Variants in PBX3 observed in about 807,000 individuals in gnomAD.
PBX3 encodes the protein pre-B-cell leukemia transcription factor 3.
In PBX3, 14 loss-of-function variants were observed where a neutral mutation model predicts 48.5. The ratio of observed to expected loss-of-function variants is 0.29; its 90% CI spans 0.19 to 0.45. The LOEUF is 0.45. PBX3 is among the 20% of genes least tolerant of loss of function. PBX3 has a pLI of 1.00. For synonymous variants in PBX3, 210 were observed against 200.3 expected (o/e 1.05, Z -0.41); for missense variants, 386 against 546.7 (o/e 0.71, Z 2.93).
intron 5 of PBX3, among the ~76,000 whole-genome samples, chr9:125,958,303 C>T (rs1842352656): frequency 6.6e-6 from 1 of 152,188 alleles, no homozygotes; most frequent in African/African-American, 2.4e-5. Context: ...TGGCTCAGGC[C>T]CTCATGGCTT....
intron 3 of PBX3, among the ~76,000 whole-genome samples, chr9:125,923,389 G>A (rs187254267): frequency 2.0e-4 from 30 of 152,280 alleles, no homozygotes; most frequent in Non-Finnish European, 4.0e-4. Flanking sequence ...ACAGTGTTAC[G>A]TGGCATTAGA....
intron 5 of PBX3, among the ~76,000 whole-genome samples, chr9:125,950,746 T>C (rs1050653367): frequency 6.6e-6 from 1 of 152,162 alleles, no homozygotes; most frequent in Non-Finnish European, 1.5e-5. Context: ...CTTCCCAAAG[T>C]GTTGGGATTA....
At chr9:125,899,183 T>C (rs1840846190) in intron 2 of PBX3, among the ~76,000 whole-genome samples, 1 of 146,170 alleles carries the variant, frequency 6.8e-6, no homozygotes, top group Non-Finnish European at 1.5e-5. Flanking sequence ...TACTTCACAT[T>C]CTTTAGATGA....
chr9:125,832,517 G>A (rs913937240), intron 2 of PBX3, among the ~76,000 whole-genome samples: 14 of 152,108 alleles, frequency 9.2e-5, no homozygotes, highest in Admixed American at 6.5e-4. Context: ...GATAACAATT[G>A]ACTACTGACT....
intron 2 of PBX3, among the ~76,000 whole-genome samples, chr9:125,889,927 A>C (rs1840599603): frequency 6.6e-6 from 1 of 150,396 alleles, no homozygotes. Flanking sequence ...GAGCGCCCTG[A>C]GCGGTCCCCC....
At chr9:125,924,019 C>T (rs1841514528) in intron 3 of PBX3, among the ~76,000 whole-genome samples, 2 of 151,302 alleles carry the variant, frequency 1.3e-5, no homozygotes, top group Non-Finnish European at 2.9e-5. Flanking sequence ...TGTGTGCTAC[C>T]ATGCCCGGCT....
chr9:125,926,815 C>A (rs181590689), intron 3 of PBX3, among the ~76,000 whole-genome samples: 1 of 151,892 alleles, frequency 6.6e-6, no homozygotes, highest in East Asian at 1.9e-4. Flanking sequence ...AGCTAAACTC[C>A]GTCTCAAAAA....
At chr9:125,815,591 A>C (rs998521595) in intron 2 of PBX3, among the ~76,000 whole-genome samples, 6 of 151,922 alleles carry the variant, frequency 3.9e-5, no homozygotes, top group African/African-American at 1.5e-4. Context: ...GGAAATTAGT[A>C]CTCCCTTCTT....
At chr9:125,926,099 G>A (rs1841568522) in intron 3 of PBX3, among the ~76,000 whole-genome samples, 1 of 152,238 alleles carries the variant, frequency 6.6e-6, no homozygotes, top group Non-Finnish European at 1.5e-5. Context: ...GAAGGGTAGA[G>A]TTGGTCACAT....
intron 2 of PBX3, among the ~76,000 whole-genome samples, chr9:125,845,946 G>A (rs1839416590): frequency 6.6e-6 from 1 of 151,964 alleles, no homozygotes; most frequent in Non-Finnish European, 1.5e-5. Context: ...TTGTATTGTT[G>A]CATTTATGCA....
chr9:125,780,304 G>T (rs1303487395), intron 2 of PBX3, among the ~76,000 whole-genome samples: 10 of 137,106 alleles, frequency 7.3e-5, no homozygotes, highest in Non-Finnish European at 6.4e-5. Context: ...TCACTTCCCA[G>T]TAGGGGCGGC....
At chr9:125,949,277 C>A in intron 5 of PBX3, 4 of 1,415,362 alleles carry the variant, frequency 2.8e-6, no homozygotes, top group Non-Finnish European at 3.8e-6. Flanking sequence ...TTAATGAAAT[C>A]ATGTATGAAG....
At chr9:125,815,473 T>G (rs1406461048) in intron 2 of PBX3, among the ~76,000 whole-genome samples, 2 of 152,224 alleles carry the variant, frequency 1.3e-5, no homozygotes, top group Non-Finnish European at 2.9e-5. Flanking sequence ...TGTTGTTGTA[T>G]TATTTTTTGT....
intron 2 of PBX3, among the ~76,000 whole-genome samples, chr9:125,861,891 G>A (rs1328819470): frequency 6.6e-6 from 1 of 152,196 alleles, no homozygotes; most frequent in African/African-American, 2.4e-5. Flanking sequence ...GAAAATGATT[G>A]TGATTGTTGC....
chr9:125,794,918 T>C (rs899823424), intron 2 of PBX3, among the ~76,000 whole-genome samples: 2 of 152,204 alleles, frequency 1.3e-5, no homozygotes, highest in Non-Finnish European at 2.9e-5. Flanking sequence ...ATGTTTGCAC[T>C]GAATGAGCCA....
intron 2 of PBX3, among the ~76,000 whole-genome samples, chr9:125,884,201 C>T (rs1032145069): frequency 6.6e-6 from 1 of 152,166 alleles, no homozygotes; most frequent in Admixed American, 6.5e-5. Context: ...GCAGCTTTGG[C>T]ATTTCTATTG....
At chr9:125,954,056 T>G (rs1280834761) in intron 5 of PBX3, among the ~76,000 whole-genome samples, 1 of 152,228 alleles carries the variant, frequency 6.6e-6, no homozygotes, top group Non-Finnish European at 1.5e-5. Context: ...TTTCCCTTCC[T>G]GCCCTTTTCT....
At chr9:125,750,888 C>T (rs1836356462) in intron 2 of PBX3, among the ~76,000 whole-genome samples, 1 of 152,168 alleles carries the variant, frequency 6.6e-6, no homozygotes, top group South Asian at 2.1e-4. Flanking sequence ...CCCATAGCTT[C>T]ACCTCACTCT....
intron 2 of PBX3, among the ~76,000 whole-genome samples, chr9:125,896,368 T>C (rs1490819476): frequency 2.0e-5 from 3 of 152,064 alleles, no homozygotes; most frequent in African/African-American, 7.2e-5. Context: ...TAAATTATCC[T>C]TCAGCAGCCC....
Sources: gnomAD v4.1 joint callset for allele counts (sites outside exome capture counted in the v4.1 genomes callset) on GRCh38, gnomAD v4.1.1 for gene constraint, MANE v1.5 for transcripts, NCBI Gene and HGNC (gene_info 2026-07-23, HGNC 2026-07-21) for gene names.